The following NFATC2 variants were observed in gnomAD, a reference collection of about 807,000 sequenced individuals.
NFATC2 encodes nuclear factor of activated T-cells, cytoplasmic 2.
Under a neutral mutation model 87.3 loss-of-function variants are expected in NFATC2, and 22 were observed. That is an observed-to-expected ratio of 0.25 (90% CI 0.18 to 0.36). NFATC2 has a LOEUF of 0.36. Among genes scored for constraint, NFATC2 ranks in the 10% least tolerant of loss-of-function variants. NFATC2 has a pLI of 1.00. For missense variants in NFATC2, 1,149 were observed against 1,259.1 expected, an observed-to-expected ratio of 0.91 and a Z score of 1.32; for synonymous variants, 565 against 542.2, an observed-to-expected ratio of 1.04 and a Z score of -0.58.
intron 3 of NFATC2, among the ~76,000 whole-genome samples, chr20:51,477,842 C>A (rs1278247168): frequency 6.6e-6 from 1 of 151,834 alleles, no homozygotes; most frequent in Non-Finnish European, 1.5e-5. Flanking sequence ...ATTGTGCAAT[C>A]TAATGCAAGA....
chr20:51,398,570 T>TAA, intron 10 of NFATC2, 73 bp downstream of exon 10: 10 of 854,726 alleles, frequency 1.2e-5, no homozygotes, highest in Admixed American at 3.2e-5. Flanking sequence ...ATACTTTACT[T>TAA]AAAAAAAAAA....
At chr20:51,544,873 G>C (rs1362304294), upstream of NFATC2, among the ~76,000 whole-genome samples, 2 of 152,178 alleles carry the variant, frequency 1.3e-5, no homozygotes, top group Non-Finnish European at 2.9e-5. Flanking sequence ...AGGGGCCTGG[G>C]GGCTGGCTCA....
At chr20:51,562,818 C>G, upstream of NFATC2, 1 of 551,054 alleles carries the variant, frequency 1.8e-6, no homozygotes. This position sits in a 1 kb window ranked among gnomAD's most constrained non-coding sequence, Gnocchi z 5.8. Context: ...CTCCGCGATC[C>G]GGCTTACTCC....
chr20:51,416,626 T>TA, intron 9 of NFATC2, among the ~76,000 whole-genome samples: 1 of 152,172 alleles, frequency 6.6e-6, no homozygotes, highest in East Asian at 1.9e-4. Context: ...CCTGGACAGA[T>TA]AAAGATGAGG....
chr20:51,540,669 T>TTTTTTTTTTTTTTTTTTTTTTTA, intron 1 of NFATC2, among the ~76,000 whole-genome samples: 1 of 148,826 alleles, frequency 6.7e-6, no homozygotes, highest in African/African-American at 2.5e-5. Context: ...TTTTTTTTTT[T>TTTTTTTTTTTTTTTTTTTTTTTA]TTGAGAAAAC....
At chr20:51,398,234 A>G (rs894073911) in intron 10 of NFATC2, among the ~76,000 whole-genome samples, 6 of 152,190 alleles carry the variant, frequency 3.9e-5, no homozygotes, top group Non-Finnish European at 8.8e-5. Context: ...CTTCTTAGGT[A>G]GGTTTTCGGA....
At chr20:51,545,266 G>GT (rs1315847468), upstream of NFATC2, among the ~76,000 whole-genome samples, 12 of 152,296 alleles carry the variant, frequency 7.9e-5, no homozygotes, top group Admixed American at 5.9e-4. Flanking sequence ...GTGGACATTT[G>GT]TTGATTGTGC....
chr20:51,470,250 G>A (rs754245226), intron 5 of NFATC2, among the ~76,000 whole-genome samples: 26 of 152,178 alleles, frequency 1.7e-4, no homozygotes, highest in Admixed American at 3.3e-4. Flanking sequence ...GAGGCTGGGA[G>A]ACTGGAGAAG....
intron 3 of NFATC2, among the ~76,000 whole-genome samples, chr20:51,490,651 G>A (rs564918427): frequency 5.3e-5 from 8 of 152,230 alleles, no homozygotes; most frequent in Admixed American, 3.9e-4. Context: ...TGAAATAAAG[G>A]TGCCATTAAA....
intron 10 of NFATC2, among the ~76,000 whole-genome samples, chr20:51,398,255 C>T (rs1488306288): frequency 6.6e-6 from 1 of 152,168 alleles, no homozygotes; most frequent in Non-Finnish European, 1.5e-5. Flanking sequence ...CCTCCCTGCC[C>T]ACTCTGCTGT....
rs550389469 is a variant in NFATC2, at chr20:51,388,898, C to A, written c.*2598G>T. 21 of 152,324 alleles carry A rather than the reference C, an allele frequency of 1.4e-4. No homozygotes were observed. Among genetic ancestry groups the A allele is most frequent in the African/African-American group, 5.1e-4 (21 of 41,574 alleles). The allele number at this position is 152,324 out of a possible 1,614,324, so 9.4% of individuals were successfully genotyped here. A position where few individuals can be genotyped will look rare whatever the true frequency, so the allele number is the denominator to read the frequency against. On this transcript the variant is annotated 3_prime_UTR_variant, in exon 11 of 11. Transcript: ENST00000371564. ...CTACTTTCTCATTCTCTTAGAGGATCTTATTGCCTCTTCCCGTACTGGAAA... is the reference window on the plus strand; with the variant it reads ...CTACTTTCTCATTCTCTTAGAGGATATTATTGCCTCTTCCCGTACTGGAAA...
At chr20:51,532,400 G>C (rs1266787258) in intron 1 of NFATC2, among the ~76,000 whole-genome samples, 2 of 152,020 alleles carry the variant, frequency 1.3e-5, no homozygotes, top group African/African-American at 4.8e-5. Flanking sequence ...CCTGACACAG[G>C]GAAGCAAGGA....
intron 6 of NFATC2, among the ~76,000 whole-genome samples, chr20:51,445,199 C>T (rs889805389): frequency 1.3e-5 from 2 of 152,062 alleles, no homozygotes; most frequent in Non-Finnish European, 2.9e-5. Context: ...TGGGCCTGCC[C>T]CCCGCAGCAC....
chr20:51,541,690 A>C (rs1223241064), intron 1 of NFATC2, among the ~76,000 whole-genome samples: 1 of 152,166 alleles, frequency 6.6e-6, no homozygotes, highest in African/African-American at 2.4e-5. Context: ...TATAGCTCAG[A>C]CCAATCCTCT....
intron 3 of NFATC2, among the ~76,000 whole-genome samples, chr20:51,482,456 TA>T (rs1989344645): frequency 6.6e-6 from 1 of 151,912 alleles, no homozygotes; most frequent in Non-Finnish European, 1.5e-5. Context: ...CCCTTGAAAA[TA>T]AGTAAGCATT....
intron 1 of NFATC2, among the ~76,000 whole-genome samples, chr20:51,529,724 T>C (rs1424539546): frequency 6.6e-6 from 1 of 152,222 alleles, no homozygotes; most frequent in Non-Finnish European, 1.5e-5. Flanking sequence ...ATTTACTTAA[T>C]ACTTCTAGTA....
intron 9 of NFATC2, among the ~76,000 whole-genome samples, chr20:51,423,059 G>A (rs986107629): frequency 2.6e-5 from 4 of 151,984 alleles, no homozygotes; most frequent in Non-Finnish European, 2.9e-5. Flanking sequence ...AGGCTGAGGC[G>A]AGAGGATCAC....
chr20:51,431,956 C>T lies in NFATC2; in HGVS notation c.2722+111G>A, dbSNP rs187901110. 1.0e-3 allele frequency: 1,138 copies of T among 1,142,022 alleles called. 6 individuals carry two copies. In the Middle Eastern group the frequency reaches 0.012, roughly 12 times the overall value. 70.7% of individuals were successfully genotyped at this position (1,142,022 alleles called of 1,614,324 possible). ...CAACCTCCTTAAATTAAAATGGGGACACTGAGGCCCAAAGAGATTACGGAA... is the reference window on the plus strand; with the variant it reads ...CAACCTCCTTAAATTAAAATGGGGATACTGAGGCCCAAAGAGATTACGGAA... On this transcript the variant is annotated intron_variant, in intron 9 of 10. Coordinates refer to ENST00000371564, the MANE Select transcript of NFATC2 (RefSeq NM_012340.5).
In NFATC2 at chr20:51,435,741, T is replaced by C; in HGVS notation, c.1870A>G (p.Met624Val). Residue 624 changes from methionine to valine, a missense_variant, in exon 7 of 11, where the codon ATG becomes GTG. Physicochemically the swap from Met to Val is conservative, Grantham distance 21. Around this residue, in one of 3 missense-constraint regions of NFATC2, gnomAD observed 581 missense variants for 649.7 expected, o/e 0.89. Coordinates refer to ENST00000371564, the MANE Select transcript of NFATC2 (RefSeq NM_012340.5). ...KTTDGQQIWEMEATVDKDKSQ... is the reference protein window; with the variant it reads ...KTTDGQQIWEVEATVDKDKSQ... Reference sequence around the variant, plus strand: ...TTGTCCTTATCCACCGTGGCTTCCATCTCCCAAATTTGCTGTCCATCTAGA... The same window carrying C: ...TTGTCCTTATCCACCGTGGCTTCCACCTCCCAAATTTGCTGTCCATCTAGA... 1.2e-6 allele frequency: 2 copies of C among 1,607,456 alleles called. No individual in the cohort carries two copies. Among genetic ancestry groups the C allele is most frequent in the African/African-American group, 1.3e-5 (1 of 74,976 alleles).
Sources: gnomAD v4.1 joint callset for allele counts (sites outside exome capture counted in the v4.1 genomes callset) on GRCh38, gnomAD v4.1.1 for gene constraint, gnomAD v4.1.1 regional missense constraint, Gnocchi (gnomAD v3.1) non-coding constraint, MANE v1.5 for transcripts, NCBI Gene and HGNC (gene_info 2026-07-23, HGNC 2026-07-21) for gene names.